Variants in NOL4 observed in about 807,000 individuals in gnomAD.
NOL4 encodes the protein cancer/testis antigen 125.
A neutral mutation model predicts 75.9 loss-of-function variants in NOL4; 17 were observed. The observed-to-expected ratio is 0.22, with a 90% CI of 0.15 to 0.34. The LOEUF is 0.34. Among genes scored for constraint, NOL4 ranks in the 10% least tolerant of loss-of-function variants. The pLI is 1.00. For missense variants in NOL4, 614 were observed against 793.5 expected (o/e 0.77, Z 2.72); for synonymous variants, 292 against 289.9 (o/e 1.01, Z -0.07).
intron 6 of NOL4, among the ~76,000 whole-genome samples, chr18:33,972,387 G>A (rs1008354749): frequency 1.1e-4 from 16 of 151,940 alleles, no homozygotes; most frequent in Non-Finnish European, 5.9e-5. Flanking sequence ...CTAATTATCC[G>A]AAAAATGCAC....
At chr18:34,163,442 C>T (rs1277480314) in intron 1 of NOL4, among the ~76,000 whole-genome samples, 1 of 151,744 alleles carries the variant, frequency 6.6e-6, no homozygotes, top group Non-Finnish European at 1.5e-5. Flanking sequence ...TCTTATACAC[C>T]AACAACAGAC....
chr18:33,903,342 C>T (rs1488855803), intron 9 of NOL4, among the ~76,000 whole-genome samples: 1 of 152,142 alleles, frequency 6.6e-6, no homozygotes. Flanking sequence ...CCAATCACCT[C>T]CCACCAGGTC....
chr18:34,222,161 T>C lies in NOL4; in HGVS notation c.264+829A>G, dbSNP rs560262905. ...TTCTGCAGCGTGAGGCTGAGATGCA[T>C]TGGGCTCTCAATGCCAGTGCCTCGC... is the stretch of plus-strand genomic sequence containing the variant. On this transcript the variant is annotated intron_variant, in intron 1 of 10. Coordinates refer to ENST00000261592, the MANE Select transcript of NOL4 (RefSeq NM_003787.5). 3.6e-4 allele frequency: 545 copies of C among 1,511,136 alleles called. No homozygotes were observed. The African/African-American group carries it at 4.6e-3, about 13-fold the overall frequency. The allele number at this position is 1,511,136 out of a possible 1,614,324, so 93.6% of individuals were successfully genotyped here.
At chr18:34,063,749 CATT>C (rs1244809394) in intron 5 of NOL4, among the ~76,000 whole-genome samples, 2 of 151,784 alleles carry the variant, frequency 1.3e-5, no homozygotes, top group East Asian at 1.9e-4. Context: ...TATAAACAAA[CATT>C]ATTGTTTCCA....
chr18:33,889,621 C>T (rs567794682), intron 9 of NOL4, among the ~76,000 whole-genome samples: 19 of 152,162 alleles, frequency 1.2e-4, no homozygotes, highest in African/African-American at 4.6e-4. Context: ...TAATGAACAT[C>T]GATGTGAAAA....
intron 1 of NOL4, among the ~76,000 whole-genome samples, chr18:34,131,963 G>T (rs779879690): frequency 6.6e-6 from 1 of 152,104 alleles, no homozygotes; most frequent in South Asian, 2.1e-4. Context: ...CAAAATGAGT[G>T]GTTTTCAAAA....
chr18:34,034,147 G>A (rs2075774096), intron 5 of NOL4, among the ~76,000 whole-genome samples: 1 of 152,058 alleles, frequency 6.6e-6, no homozygotes, highest in African/African-American at 2.4e-5. Context: ...GAAGAGAAAG[G>A]ACTCAATGAT....
At chr18:34,173,974 C>T (rs540348450) in intron 1 of NOL4, among the ~76,000 whole-genome samples, 2 of 152,048 alleles carry the variant, frequency 1.3e-5, no homozygotes, top group East Asian at 1.9e-4. Context: ...CCAATTAATG[C>T]CGATTCATGA....
At chr18:33,919,577 A>T (rs1955053719) in intron 9 of NOL4, among the ~76,000 whole-genome samples, 1 of 152,194 alleles carries the variant, frequency 6.6e-6, no homozygotes. Context: ...ACATGTATAG[A>T]TTATTTTTAG....
intron 1 of NOL4, among the ~76,000 whole-genome samples, chr18:34,137,710 G>A (rs139903084): frequency 0.015 from 2,239 of 151,350 alleles, 15 homozygotes; most frequent in Middle Eastern, 0.034. Flanking sequence ...AAAACAGACT[G>A]GCAGTAACAA....
At chr18:34,189,307 G>A (rs1443056418) in intron 1 of NOL4, among the ~76,000 whole-genome samples, 2 of 152,024 alleles carry the variant, frequency 1.3e-5, no homozygotes, top group Non-Finnish European at 2.9e-5. Flanking sequence ...AGTGATACTC[G>A]CTCACTCCCT....
intron 6 of NOL4, among the ~76,000 whole-genome samples, chr18:33,997,832 A>G (rs759953481): frequency 6.6e-6 from 1 of 151,636 alleles, no homozygotes; most frequent in African/African-American, 2.4e-5. Context: ...AGCATTATTC[A>G]TAATAGCCAA....
intron 9 of NOL4, among the ~76,000 whole-genome samples, chr18:33,917,886 T>C (rs2066819179): frequency 6.6e-6 from 1 of 152,186 alleles, no homozygotes; most frequent in Non-Finnish European, 1.5e-5. Context: ...TTTTCCTTAC[T>C]GGGTTTTCTC....
At chr18:33,877,119 T>C (rs1420820872) in intron 10 of NOL4, among the ~76,000 whole-genome samples, 1 of 152,038 alleles carries the variant, frequency 6.6e-6, no homozygotes, top group Non-Finnish European at 1.5e-5. Context: ...CTGCATGCCA[T>C]ACTGATTAAT....
At chr18:34,098,500 A>T (rs1406274596) in intron 4 of NOL4, among the ~76,000 whole-genome samples, 1 of 152,156 alleles carries the variant, frequency 6.6e-6, no homozygotes, top group African/African-American at 2.4e-5. Context: ...TGAGTAAATG[A>T]TCCTAGCCTA....
intron 1 of NOL4, among the ~76,000 whole-genome samples, chr18:34,159,259 G>A (rs865829230): frequency 2.0e-5 from 3 of 152,198 alleles, no homozygotes; most frequent in African/African-American, 4.8e-5. Flanking sequence ...GGGGAGCAGT[G>A]CTCCCAACCC....
At chr18:34,206,339 T>C (rs2036121975) in intron 1 of NOL4, among the ~76,000 whole-genome samples, 1 of 152,160 alleles carries the variant, frequency 6.6e-6, no homozygotes, top group South Asian at 2.1e-4. Context: ...GTAATCTACT[T>C]ATAATTTCTT....
chr18:33,866,874 A>G (rs1444182584), intron 10 of NOL4, among the ~76,000 whole-genome samples: 3 of 152,180 alleles, frequency 2.0e-5, no homozygotes, highest in Non-Finnish European at 4.4e-5. Context: ...ACATACATGT[A>G]TACATTTTCA....
chr18:34,052,591 C>T (rs1231996901), intron 5 of NOL4, among the ~76,000 whole-genome samples: 1 of 151,932 alleles, frequency 6.6e-6, no homozygotes, highest in African/African-American at 2.4e-5. Flanking sequence ...ATTTATTAAA[C>T]AATCATTTAT....
Sources: allele counts gnomAD v4.1 joint callset (sites outside exome capture counted in the v4.1 genomes callset), GRCh38; gene constraint gnomAD v4.1.1; transcripts MANE v1.5; gene names NCBI Gene and HGNC (gene_info 2026-07-23, HGNC 2026-07-21).